Variants in ISY1 observed in about 807,000 individuals in gnomAD.
ISY1 encodes pre-mRNA-splicing factor ISY1 homolog.
In ISY1, 12 loss-of-function variants were observed where a neutral mutation model predicts 54.4. The ratio of observed to expected loss-of-function variants is 0.22; its 90% CI spans 0.14 to 0.36. ISY1 has a LOEUF of 0.36. Ranked by LOEUF, ISY1 falls within the 10% of genes least tolerant of loss-of-function variation. ISY1 has a pLI of 1.00. For synonymous variants in ISY1, 96 were observed against 117.9 expected, an observed-to-expected ratio of 0.81 and a Z score of 1.20; for missense variants, 282 against 342.2, an observed-to-expected ratio of 0.82 and a Z score of 1.39.
rs1458327457 is a variant in ISY1 at position 129,157,448 on chromosome 3, C to T, written c.79-528G>A. On this transcript the variant is annotated intron_variant, in intron 3 of 10. Transcript: ENST00000393295. ...AAGGACCCAGTCATCAGGCTGGGCA[C>T]GGCGGTTCATCTCTGTAATTCCCAC... is the stretch of plus-strand genomic sequence containing the variant. Among the ~76,000 whole-genome samples, 6 of 152,122 alleles carry T rather than the reference C, an allele frequency of 3.9e-5. No individual in the cohort carries two copies. In the East Asian group the frequency reaches 5.8e-4, roughly 15 times the overall value.
At chr3:129,160,173 A>G (rs1394400048) in intron 1 of ISY1, among the ~76,000 whole-genome samples, 1 of 151,578 alleles carries the variant, frequency 6.6e-6, no homozygotes, top group Non-Finnish European at 1.5e-5. Context: ...CTTCTATTCC[A>G]CTGGTTTCTC....
chr3:129,160,731 C>T (rs1937282722), intron 1 of ISY1, among the ~76,000 whole-genome samples: 1 of 152,128 alleles, frequency 6.6e-6, no homozygotes, highest in Non-Finnish European at 1.5e-5. Context: ...CTCAGGTTAA[C>T]CTAAAGAGCT....
At chr3:129,160,257 C>T (rs552661772) in intron 1 of ISY1, among the ~76,000 whole-genome samples, 57 of 152,178 alleles carry the variant, frequency 3.7e-4, no homozygotes, top group African/African-American at 1.3e-3. Flanking sequence ...AACCATGACG[C>T]CCAGTGTTTC....
intron 9 of ISY1, among the ~76,000 whole-genome samples, chr3:129,133,292 T>C (rs754837369): frequency 3.9e-5 from 6 of 152,198 alleles, no homozygotes; most frequent in Non-Finnish European, 7.3e-5. Flanking sequence ...TCAGAAAATA[T>C]GCAAAAGATC....
At chr3:129,145,542 G>A (rs925926523) in intron 6 of ISY1, among the ~76,000 whole-genome samples, 3 of 152,032 alleles carry the variant, frequency 2.0e-5, no homozygotes, top group Non-Finnish European at 4.4e-5. Context: ...TTTTAAACAC[G>A]AGGCCGAGAG....
rs758802025 is a variant in ISY1 at position 129,130,099 on chromosome 3, T to C, written c.840A>G (p.Arg280=). The C allele has an allele frequency of 6.2e-7, 1 of 1,608,030 alleles. No homozygotes were observed. Among genetic ancestry groups the C allele is most frequent in the South Asian group, 1.1e-5 (1 of 90,412 alleles). Residue 280 remains arginine (R), a synonymous_variant, in exon 11 of 11, where the codon AGA becomes AGG. Coordinates refer to ENST00000393295, the MANE Select transcript of ISY1 (RefSeq NM_020701.4). ...CTGGGTCCTAATACCCCAGGAGCCT[T>C]CTGGCTTCTTCACTTTGGGCCTGCA... ...ETLQAQSEEA[R]RLLGY
intron 5 of ISY1, among the ~76,000 whole-genome samples, chr3:129,146,842 G>A (rs1936776543): frequency 6.6e-6 from 1 of 152,166 alleles, no homozygotes; most frequent in Non-Finnish European, 1.5e-5. Context: ...TGGACTGCTT[G>A]AGCTCAGGAG....
At position 129,130,206 on chromosome 3, in the gene ISY1, GCAGGGCT is replaced by G. The variant is rs1936197993; in HGVS notation, c.751-25_751-19del. 6.3e-7 allele frequency: 1 copy of G among 1,589,200 alleles called. No homozygotes were observed. Among genetic ancestry groups the G allele is most frequent in the South Asian group, 1.2e-5 (1 of 86,748 alleles). ...TCCTCAATCTGTGGAAATTAAGAGT[GCAGGGCT>G]CACTCCTCAGCAAAGCCCCTCAACC... On this transcript the variant is annotated intron_variant, in intron 10 of 10. Coordinates refer to ENST00000393295, the MANE Select transcript of ISY1 (RefSeq NM_020701.4).
At chr3:129,145,916 A>AT (rs770010139) in intron 5 of ISY1, 43 bp from the exon 6 acceptor site, 567 of 1,592,270 alleles carry the variant, frequency 3.6e-4, no homozygotes, top group Non-Finnish European at 4.8e-4. Flanking sequence ...ATAAAAATGA[A>AT]TGTCAACACC....
intron 7 of ISY1, among the ~76,000 whole-genome samples, chr3:129,136,479 A>T (rs1936403266): frequency 6.6e-6 from 1 of 151,950 alleles, no homozygotes; most frequent in African/African-American, 2.4e-5. Flanking sequence ...AGGTGCAGTG[A>T]CTCATGCCTG....
rs941695126 is a variant in ISY1 at position 129,130,483 on chromosome 3, C to T, written c.750+67G>A. On this transcript the variant is annotated intron_variant, in intron 10 of 10. Coordinates refer to ENST00000393295, the MANE Select transcript of ISY1 (RefSeq NM_020701.4). ...TAGGAAGGACAACGAAAACCCACTA[C>T]AGTGCTCTGTGAAGTCTGCTTTAGA... 3.8e-6 allele frequency: 6 copies of T among 1,583,410 alleles called. No homozygotes were observed. In the African/African-American group the frequency reaches 8.1e-5, roughly 21 times the overall value.
intron 7 of ISY1, 76 bp downstream of exon 7, chr3:129,140,292 G>C (rs1936568058): frequency 7.6e-7 from 1 of 1,309,052 alleles, no homozygotes; most frequent in Non-Finnish European, 1.1e-6. Flanking sequence ...AAAAAAGTAA[G>C]AGCAGTTAGC....
At chr3:129,152,800 T>C (rs1045519631) in intron 5 of ISY1, among the ~76,000 whole-genome samples, 6 of 152,194 alleles carry the variant, frequency 3.9e-5, no homozygotes, top group Non-Finnish European at 7.3e-5. Context: ...ATAATATCTT[T>C]TTCTGATTTT....
Position 129,156,901 on chromosome 3 carries a change from G to A in ISY1, c.98C>T (p.Ala33Val). The change falls in exon 4 of 11, where the codon GCC becomes GTC. Residue 33 changes from alanine to valine, a missense_variant. By Grantham distance (64) the Ala-to-Val change is moderately conservative (BLOSUM62 0). Coordinates refer to ENST00000393295, the MANE Select transcript of ISY1 (RefSeq NM_020701.4). The part of the protein sequence containing the change: ...GKVKERRPFL[A>V]SECTELPKAE... ...TTTAGGCAGTTCAGTACATTCTGAG[G>A]CCAGAAAGGGTCTTCGTTCCTAAGG... 3 of 1,613,988 alleles carry A rather than the reference G, an allele frequency of 1.9e-6. No individual in the cohort carries two copies. Among genetic ancestry groups the A allele is most frequent in the Non-Finnish European group, 2.5e-6 (3 of 1,179,972 alleles).
chr3:129,160,761 G>A (rs981868458), intron 1 of ISY1, among the ~76,000 whole-genome samples: 3 of 152,278 alleles, frequency 2.0e-5, no homozygotes, highest in African/African-American at 4.8e-5. Context: ...TTAAGACACT[G>A]TCCAGGACAG....
At chr3:129,160,918 G>GGCCCGGGGGGGGGGGGGCCC in intron 1 of ISY1, 55 bp downstream of exon 1, 2 of 666,128 alleles carry the variant, frequency 3.0e-6, no homozygotes, top group Non-Finnish European at 5.5e-6. Context: ...TGGACTGGGC[G>GGCCCGGGGGGGGGGGGGCCC]CCCCCCCGCC....
At chr3:129,157,894 G>A (rs1937192040) in intron 3 of ISY1, among the ~76,000 whole-genome samples, 1 of 151,984 alleles carries the variant, frequency 6.6e-6, no homozygotes, top group Admixed American at 6.6e-5. Context: ...TCTGAAGTTT[G>A]AAGTCTGTTG....
intron 2 of ISY1, 119 bp from the exon 3 acceptor site, chr3:129,158,678 C>T (rs4452346): frequency 0.96 from 1,283,119 of 1,330,078 alleles, 620,036 homozygotes; most frequent in East Asian, 1. Context: ...CATTCATATA[C>T]AAATATTGTA....
chr3:129,151,410 C>A (rs1427657942), intron 5 of ISY1, among the ~76,000 whole-genome samples: 1 of 151,568 alleles, frequency 6.6e-6, no homozygotes, highest in African/African-American at 2.4e-5. Flanking sequence ...GGGTGGATCA[C>A]CTGAGGTTGG....
Sources: gnomAD v4.1 joint callset for allele counts (sites outside exome capture counted in the v4.1 genomes callset) on GRCh38, gnomAD v4.1.1 for gene constraint, MANE v1.5 for transcripts, NCBI Gene and HGNC (gene_info 2026-07-23, HGNC 2026-07-21) for gene names.